The following VIL1 variants were observed in gnomAD, a reference collection of about 807,000 sequenced individuals.
VIL1 encodes villin-1.
VIL1 carries 86 observed loss-of-function variants against 104.0 expected under a neutral mutation model. That is an observed-to-expected ratio of 0.83 (90% CI 0.69 to 0.99). VIL1 has a LOEUF of 0.99. VIL1 is among the 50% of genes least tolerant of loss of function. The probability of loss-of-function intolerance (pLI) is 0.00; values close to 1 mark genes in which losing one functional copy is unlikely to be tolerated. For missense variants in VIL1, 944 were observed against 1,054.1 expected, an observed-to-expected ratio of 0.90 and a Z score of 1.45; for synonymous variants, 394 against 412.6, an observed-to-expected ratio of 0.95 and a Z score of 0.55.
intron 19 of VIL1, among the ~76,000 whole-genome samples, chr2:218,442,577 C>T (rs1171765153): frequency 1.3e-5 from 2 of 151,916 alleles, no homozygotes; most frequent in Non-Finnish European, 2.9e-5. Flanking sequence ...CTCAAGTGAT[C>T]CTCCCACCTC....
At chr2:218,442,734 A>C (rs911822531) in intron 19 of VIL1, among the ~76,000 whole-genome samples, 11 of 152,256 alleles carry the variant, frequency 7.2e-5, no homozygotes, top group African/African-American at 2.7e-4. Context: ...CTGTATAATA[A>C]GTCATAAAGT....
intron 4 of VIL1, among the ~76,000 whole-genome samples, chr2:218,426,605 C>G (rs1391593939): frequency 2.7e-5 from 4 of 150,506 alleles, no homozygotes; most frequent in African/African-American, 7.3e-5. Flanking sequence ...CCATGCCCAG[C>G]TAATTTTTTT....
intron 13 of VIL1, 135 bp downstream of exon 13, chr2:218,433,086 T>G: frequency 9.3e-7 from 1 of 1,073,684 alleles, no homozygotes; most frequent in Non-Finnish European, 1.3e-6. Context: ...ACCCTGGAGG[T>G]TCTATCACCT....
At chr2:218,445,120 C>T (rs1381486423) in intron 19 of VIL1, among the ~76,000 whole-genome samples, 3 of 152,164 alleles carry the variant, frequency 2.0e-5, no homozygotes, top group Non-Finnish European at 4.4e-5. Context: ...AGTACTCAGC[C>T]GAGTGCGGTG....
At chr2:218,431,807 TG>T in intron 10 of VIL1, 49 bp from the exon 11 acceptor site, 1 of 1,512,262 alleles carries the variant, frequency 6.6e-7, no homozygotes, top group South Asian at 1.2e-5. Flanking sequence ...TGTGAGGACC[TG>T]GGAGACCTCA....
rs888453394 is a variant in VIL1 at position 218,449,154 on chromosome 2, C to G, written c.2371-69C>G. The G allele has an allele frequency of 3.2e-5, 36 of 1,123,528 alleles. No individual in the cohort carries two copies. The South Asian group carries it at 4.1e-4, about 13-fold the overall frequency. 69.6% of individuals were successfully genotyped at this position (1,123,528 alleles called of 1,614,324 possible). On this transcript the variant is annotated intron_variant, in intron 19 of 19. Coordinates refer to ENST00000248444, the MANE Select transcript of VIL1 (RefSeq NM_007127.3). ...CACATCTATGACTCATCAGAGCAAA[C>G]GGTGCCTGAGGGTGAGGGAGGAAGG...
chr2:218,451,647 G>A lies in VIL1; in HGVS notation c.*2311G>A, dbSNP rs1021620620. On this transcript the variant is annotated 3_prime_UTR_variant, in exon 20 of 20. Coordinates refer to ENST00000248444, the MANE Select transcript of VIL1 (RefSeq NM_007127.3). ...GATACAGAAGAATCAGTAAATTCAT[G>A]GATTATTTTGCTGAGGTTTTAAATT... 3.9e-5 allele frequency: 6 copies of A among 152,138 alleles called. No individual in the cohort carries two copies. The highest frequency in any genetic ancestry group is 8.8e-5 in the Non-Finnish European group (6 of 68,008). 9.4% of individuals were successfully genotyped at this position (152,138 alleles called of 1,614,324 possible). A position where few individuals can be genotyped will look rare whatever the true frequency, so the allele number is the denominator to read the frequency against.
chr2:218,432,999 C>T (rs374749861), intron 13 of VIL1, 48 bp downstream of exon 13: 36 of 1,609,760 alleles, frequency 2.2e-5, no homozygotes, highest in Non-Finnish European at 2.8e-5. Flanking sequence ...TGTGGCAAGA[C>T]AGGCATCCGG....
chr2:218,420,478 C>T (rs1357365297), intron 1 of VIL1, among the ~76,000 whole-genome samples: 1 of 148,608 alleles, frequency 6.7e-6, no homozygotes, highest in East Asian at 2.0e-4. Context: ...GAAAGAAAGG[C>T]AAGATGGACC....
Position 218,435,441 on chromosome 2 carries a change from C to T in VIL1, c.1826+7C>T, listed in dbSNP as rs746002148. 3.1e-6 allele frequency: 5 copies of T among 1,612,758 alleles called. No individual in the cohort carries two copies. Among genetic ancestry groups the T allele is most frequent in the Non-Finnish European group, 4.2e-6 (5 of 1,179,198 alleles). On this transcript the variant is annotated splice_region_variant and intron_variant, in intron 15 of 19. Coordinates refer to ENST00000248444, the MANE Select transcript of VIL1 (RefSeq NM_007127.3). ...CCTATGCCAACACCAAGAGGTAACT[C>T]TCAGGTCCCTCCGCCTCCAGGTTAC...
At chr2:218,448,791 G>T (rs138795897) in intron 19 of VIL1, among the ~76,000 whole-genome samples, 16 of 152,118 alleles carry the variant, frequency 1.1e-4, no homozygotes, top group African/African-American at 3.9e-4. Context: ...GATCACTTGA[G>T]GTCAGGAGTT....
chr2:218,424,976 A>G lies in VIL1; in HGVS notation c.150+625A>G, dbSNP rs73074825. The stretch of plus-strand genomic sequence containing the variant: ...TGCCCAGCCTGGCAGTCATCTTCAT[A>G]TCACCTTGATTTTCACCATACCCTG... On this transcript the variant is annotated intron_variant, in intron 3 of 19. Transcript: ENST00000248444. 3.5e-3 allele frequency among the ~76,000 whole-genome samples: 530 copies of G among 151,648 alleles called. 5 individuals carry two copies. The highest frequency in any genetic ancestry group is 0.012 in the African/African-American group (508 of 41,390).
chr2:218,451,336 T>G lies in VIL1; in HGVS notation c.*2000T>G, dbSNP rs1483968486. The G allele has an allele frequency of 1.3e-5, 2 of 152,172 alleles. No individual in the cohort carries two copies. The highest frequency in any genetic ancestry group is 1.3e-4 in the Admixed American group (2 of 15,274). The allele number at this position is 152,172 out of a possible 1,614,324, so 9.4% of individuals were successfully genotyped here. A position where few individuals can be genotyped will look rare whatever the true frequency, so the allele number is the denominator to read the frequency against. ...TACAAAATCCATATGTACTTGGAGATCCAGCTGTTGCCCCCTGTTTAAAAC... is the reference window on the plus strand; with the variant it reads ...TACAAAATCCATATGTACTTGGAGAGCCAGCTGTTGCCCCCTGTTTAAAAC... On this transcript the variant is annotated 3_prime_UTR_variant, in exon 20 of 20. Transcript: ENST00000248444.
chr2:218,429,894 A>G lies in VIL1; in HGVS notation c.895A>G (p.Lys299Glu), dbSNP rs756650302. 6.2e-7 allele frequency: 1 copy of G among 1,613,854 alleles called. No homozygotes were observed. The highest frequency in any genetic ancestry group is 8.5e-7 in the Non-Finnish European group (1 of 1,179,946). Residue 299 changes from lysine to glutamate, a missense_variant, in exon 9 of 20, where the codon AAA becomes GAA. Lys to Glu is a moderately conservative substitution (Grantham distance 56, BLOSUM62 1). Coordinates refer to ENST00000248444, the MANE Select transcript of VIL1 (RefSeq NM_007127.3). ...DQGGLKIYVW[K>E]GKKANEQEKK... ...GGGGGGCCTGAAGATCTACGTGTGG[A>G]AAGGGAAGAAAGCCAATGAGCAGGA...
intron 1 of VIL1, among the ~76,000 whole-genome samples, chr2:218,420,428 C>CAAAAAAA (rs71064447): frequency 1.1e-4 from 9 of 79,838 alleles, no homozygotes; most frequent in Non-Finnish European, 1.1e-4. Flanking sequence ...GACTCTGTCT[C>CAAAAAAA]AAAAAAAAAA....
rs765110020 is a variant in VIL1 at position 218,425,835 on chromosome 2, G to A, written c.347+24G>A. The A allele has an allele frequency of 6.3e-5, 100 of 1,583,430 alleles. 1 individual carries two copies. Among genetic ancestry groups the A allele is most frequent in the South Asian group, 6.3e-4 (54 of 86,206 alleles). On this transcript the variant is annotated intron_variant, in intron 4 of 19. Transcript: ENST00000248444. ...GTGTAGGGAGGGTGGGCTGCAGGCCGGGGGAATGAGGATGAGTGGTAGGGA... is the reference window on the plus strand; with the variant it reads ...GTGTAGGGAGGGTGGGCTGCAGGCCAGGGGAATGAGGATGAGTGGTAGGGA...
chr2:218,429,196 G>T (rs917317944), intron 6 of VIL1, 89 bp from the exon 7 acceptor site: 1 of 1,449,584 alleles, frequency 6.9e-7, no homozygotes, highest in Non-Finnish European at 9.4e-7. Context: ...TGCTGTAGGT[G>T]GTCTGGGCTT....
At chr2:218,445,612 A>C (rs1026291036) in intron 19 of VIL1, among the ~76,000 whole-genome samples, 4 of 151,918 alleles carry the variant, frequency 2.6e-5, no homozygotes, top group African/African-American at 9.7e-5. Flanking sequence ...TGTTTAATTC[A>C]GGGCTCTCTG....
intron 14 of VIL1, 106 bp downstream of exon 14, chr2:218,434,811 G>A: frequency 2.4e-6 from 3 of 1,257,210 alleles, no homozygotes; most frequent in Non-Finnish European, 3.3e-6. Context: ...CAACTAAGTT[G>A]TGCCTGCTCA....
Sources: allele counts gnomAD v4.1 joint callset (sites outside exome capture counted in the v4.1 genomes callset), GRCh38; gene constraint gnomAD v4.1.1; transcripts MANE v1.5; gene names NCBI Gene and HGNC (gene_info 2026-07-23, HGNC 2026-07-21).